VOPP1: variants seen among roughly 807,000 people sequenced by gnomAD.
VOPP1 encodes the protein VOPP1 WW domain binding protein.
In VOPP1, 8 loss-of-function variants were observed where a neutral mutation model predicts 23.5. The observed-to-expected ratio is 0.34, with a 90% CI of 0.20 to 0.61. The LOEUF is 0.61. Ranked by LOEUF, VOPP1 falls within the 20% of genes least tolerant of loss-of-function variation. The pLI is 0.78. For synonymous variants in VOPP1, 83 were observed against 97.3 expected (o/e 0.85, Z 0.86); for missense variants, 174 against 238.1 (o/e 0.73, Z 1.77).
At chr7:55,516,932 A>ATT (rs71031862) in intron 2 of VOPP1, among the ~76,000 whole-genome samples, 11 of 45,158 alleles carry the variant, frequency 2.4e-4, no homozygotes, top group African/African-American at 1.3e-3. Flanking sequence ...ATATATATAT[A>ATT]TTTTTTTTTT....
chr7:55,462,983 A>G (rs1203715689), intron 4 of VOPP1, among the ~76,000 whole-genome samples: 1 of 152,012 alleles, frequency 6.6e-6, no homozygotes, highest in African/African-American at 2.4e-5. Flanking sequence ...TTTCTTTATG[A>G]TATCTATCTC....
chr7:55,523,541 T>A (rs1796000419), intron 1 of VOPP1, among the ~76,000 whole-genome samples: 1 of 152,220 alleles, frequency 6.6e-6, no homozygotes, highest in Non-Finnish European at 1.5e-5. Flanking sequence ...CTGCCTGCCC[T>A]GACTCTCAGA....
chr7:55,517,819 T>C (rs74797988), intron 2 of VOPP1, among the ~76,000 whole-genome samples: 1,670 of 152,134 alleles, frequency 0.011, 11 homozygotes, highest in Middle Eastern at 0.02. Context: ...TTAAGAAAAA[T>C]GCTTCATGAC....
intron 4 of VOPP1, among the ~76,000 whole-genome samples, chr7:55,436,966 A>C (rs1261626225): frequency 1.3e-5 from 2 of 152,166 alleles, no homozygotes; most frequent in African/African-American, 4.8e-5. Flanking sequence ...TGCTGCTCAC[A>C]TGTTGATAAA....
At chr7:55,447,101 C>T (rs1298264331) in intron 4 of VOPP1, among the ~76,000 whole-genome samples, 1 of 152,142 alleles carries the variant, frequency 6.6e-6, no homozygotes, top group Non-Finnish European at 1.5e-5. Flanking sequence ...GTTCTATGTG[C>T]AATTCATCAA....
chr7:55,537,241 C>T (rs1461916008), intron 1 of VOPP1, among the ~76,000 whole-genome samples: 1 of 152,134 alleles, frequency 6.6e-6, no homozygotes, highest in African/African-American at 2.4e-5. Context: ...ATATTTTGTA[C>T]CCCGAACACC....
At chr7:55,509,368 T>C (rs1477308779) in intron 2 of VOPP1, among the ~76,000 whole-genome samples, 1 of 152,216 alleles carries the variant, frequency 6.6e-6, no homozygotes, top group Non-Finnish European at 1.5e-5. Flanking sequence ...ATTCAGTATC[T>C]AGTCAGGGCT....
At chr7:55,505,536 G>C (rs551572613) in intron 2 of VOPP1, among the ~76,000 whole-genome samples, 1 of 151,670 alleles carries the variant, frequency 6.6e-6, no homozygotes, top group Non-Finnish European at 1.5e-5. Context: ...AGATGGAGCA[G>C]ATCGGTTTCA....
chr7:55,460,347 GATAAA>G (rs1223588413), intron 4 of VOPP1, among the ~76,000 whole-genome samples: 3 of 152,142 alleles, frequency 2.0e-5, no homozygotes, highest in African/African-American at 7.2e-5. Flanking sequence ...GCAGCTTTTG[GATAAA>G]ATAAAATGTT....
intron 4 of VOPP1, among the ~76,000 whole-genome samples, chr7:55,491,981 T>C (rs1049199546): frequency 1.1e-4 from 16 of 152,168 alleles, no homozygotes; most frequent in African/African-American, 7.2e-5. Context: ...GAAATTTATA[T>C]GTGAAATAAT....
Position 55,503,033 on chromosome 7 carries a change from C to A in VOPP1, c.114-5343G>T, listed in dbSNP as rs554577445. On this transcript the variant is annotated intron_variant, in intron 2 of 4. Coordinates refer to ENST00000285279, the MANE Select transcript of VOPP1 (RefSeq NM_030796.5). ...TGAAAAGATCACGTATAGCAGCAGACATGGGCCCCTGGACTTACTGCCTGT... is the reference window on the plus strand; with the variant it reads ...TGAAAAGATCACGTATAGCAGCAGAAATGGGCCCCTGGACTTACTGCCTGT... Among the ~76,000 whole-genome samples, 4 of 152,328 alleles carry A rather than the reference C, an allele frequency of 2.6e-5. No homozygotes were observed. In the South Asian group the frequency reaches 6.2e-4, roughly 24 times the overall value.
At chr7:55,454,329 T>C (rs549971947) in intron 4 of VOPP1, among the ~76,000 whole-genome samples, 112 of 152,234 alleles carry the variant, frequency 7.4e-4, no homozygotes, top group Non-Finnish European at 1.2e-3. Context: ...CCAATGAAAG[T>C]CCAGGACCAG....
chr7:55,438,703 T>C (rs1227682539), intron 4 of VOPP1, among the ~76,000 whole-genome samples: 1 of 152,136 alleles, frequency 6.6e-6, no homozygotes, highest in Non-Finnish European at 1.5e-5. Context: ...GCTCTGACCA[T>C]GGGTGAAACA....
At chr7:55,504,029 A>G (rs1345050454) in intron 2 of VOPP1, among the ~76,000 whole-genome samples, 1 of 152,208 alleles carries the variant, frequency 6.6e-6, no homozygotes, top group Non-Finnish European at 1.5e-5. Context: ...GTCTGGAGAT[A>G]GAGTTGGTGG....
chr7:55,570,228 A>C (rs1483480813), intron 1 of VOPP1, among the ~76,000 whole-genome samples: 3 of 152,220 alleles, frequency 2.0e-5, no homozygotes, highest in African/African-American at 7.2e-5. Flanking sequence ...AATCTCATAC[A>C]TAAAATTTCA....
intron 4 of VOPP1, among the ~76,000 whole-genome samples, chr7:55,452,466 A>G (rs1791268183): frequency 6.6e-6 from 1 of 152,258 alleles, no homozygotes; most frequent in Non-Finnish European, 1.5e-5. Context: ...TGTTCTTAAC[A>G]GCATCTAGAA....
At chr7:55,531,056 T>C (rs989017742) in intron 1 of VOPP1, 1 of 152,136 alleles carries the variant, frequency 6.6e-6, no homozygotes, top group Non-Finnish European at 1.5e-5. Context: ...CAAAAATACT[T>C]AGAGGTGCCA....
At chr7:55,529,237 C>T (rs1468874650) in intron 1 of VOPP1, among the ~76,000 whole-genome samples, 4 of 151,988 alleles carry the variant, frequency 2.6e-5, no homozygotes, top group South Asian at 2.1e-4. Context: ...TGGTGGCGCT[C>T]GCCTGTAGTC....
At chr7:55,535,693 C>T (rs1297515796) in intron 1 of VOPP1, among the ~76,000 whole-genome samples, 2 of 152,192 alleles carry the variant, frequency 1.3e-5, no homozygotes, top group Admixed American at 6.5e-5. Flanking sequence ...CCCCTTGGGG[C>T]TCTGATTAAA....
Sources: gnomAD v4.1 joint callset for allele counts (sites outside exome capture counted in the v4.1 genomes callset) on GRCh38, gnomAD v4.1.1 for gene constraint, MANE v1.5 for transcripts, NCBI Gene and HGNC (gene_info 2026-07-23, HGNC 2026-07-21) for gene names.